Variants in GTF3C1 observed in about 807,000 individuals in gnomAD.
GTF3C1 encodes the protein general transcription factor IIIC subunit 1.
Under a neutral mutation model 226.7 loss-of-function variants are expected in GTF3C1, and 57 were observed. The ratio of observed to expected loss-of-function variants is 0.25; its 90% CI spans 0.20 to 0.31. The LOEUF (loss-of-function observed/expected upper bound fraction) is 0.31, where lower values mean the gene tolerates loss of function less well. Among genes scored for constraint, GTF3C1 ranks in the 10% least tolerant of loss-of-function variants. GTF3C1 has a pLI of 1.00. For missense variants in GTF3C1, 2,217 were observed against 2,776.1 expected (o/e 0.80, Z 4.53); for synonymous variants, 1,090 against 1,084.8 (o/e 1.00, Z -0.09).
intron 7 of GTF3C1, among the ~76,000 whole-genome samples, chr16:27,511,109 T>C (rs2088565247): frequency 6.6e-6 from 1 of 152,194 alleles, no homozygotes. Context: ...TCTGGGTGTG[T>C]CTGTGATGGT....
intron 27 of GTF3C1, 129 bp downstream of exon 27, chr16:27,480,950 G>A (rs747034669): frequency 1.6e-5 from 11 of 693,794 alleles, no homozygotes; most frequent in Non-Finnish European, 2.8e-5. Flanking sequence ...AGACAGGAGG[G>A]CCACTGCAAG....
intron 1 of GTF3C1, among the ~76,000 whole-genome samples, chr16:27,548,534 G>A (rs1035437303): frequency 3.3e-5 from 5 of 152,132 alleles, no homozygotes; most frequent in Non-Finnish European, 4.4e-5. Flanking sequence ...CAAAGTACTG[G>A]GATTGCAGGC....
At chr16:27,494,411 A>C (rs2088281352) in intron 16 of GTF3C1, among the ~76,000 whole-genome samples, 1 of 147,710 alleles carries the variant, frequency 6.8e-6, no homozygotes, top group Admixed American at 6.6e-5. Context: ...ATAAAAAAAA[A>C]ACAAAAAAAA....
chr16:27,495,386 G>C lies in GTF3C1; in HGVS notation c.2457C>G (p.Thr819=). The change falls in exon 15 of 37, where the codon ACC becomes ACG. Residue 819 remains threonine (T), a synonymous_variant. Transcript: ENST00000356183. ...CACTGATGAAGCTTGGCTTCTCCAC[G>C]GTGTTGCTGGCAGGGTGCCCGTAGA... ...YLIYGHPASN[T]VEKPSFISER... 6.2e-7 allele frequency: 1 copy of C among 1,614,090 alleles called. No homozygotes were observed. The highest frequency in any genetic ancestry group is 8.5e-7 in the Non-Finnish European group (1 of 1,179,930).
chr16:27,535,805 G>A (rs2088992021), intron 4 of GTF3C1, among the ~76,000 whole-genome samples: 2 of 151,692 alleles, frequency 1.3e-5, no homozygotes, highest in Admixed American at 1.3e-4. Flanking sequence ...CGGAGATCGC[G>A]CCATCGCACT....
intron 2 of GTF3C1, 108 bp downstream of exon 2, chr16:27,545,206 G>A: frequency 3.8e-6 from 3 of 795,676 alleles, no homozygotes; most frequent in Non-Finnish European, 6.6e-6. Flanking sequence ...TGAACTCCTG[G>A]CCTCAAGTGA....
chr16:27,504,786 A>G (rs1056116025), intron 10 of GTF3C1, among the ~76,000 whole-genome samples: 1 of 152,160 alleles, frequency 6.6e-6, no homozygotes, highest in Non-Finnish European at 1.5e-5. Flanking sequence ...GCAGTGGCAT[A>G]TGCTTGCAGA....
chr16:27,545,163 A>G, intron 2 of GTF3C1, 151 bp downstream of exon 2: 1 of 647,918 alleles, frequency 1.5e-6, no homozygotes. Context: ...TTTTAGTAGA[A>G]ACAGCGTTTT....
intron 32 of GTF3C1, among the ~76,000 whole-genome samples, chr16:27,468,297 T>C (rs577763749): frequency 1.4e-4 from 21 of 152,324 alleles, no homozygotes; most frequent in South Asian, 6.2e-4. Flanking sequence ...GAGAACATCA[T>C]TGAAATGGCA....
chr16:27,487,505 C>G (rs954891316), intron 23 of GTF3C1, among the ~76,000 whole-genome samples: 1 of 152,238 alleles, frequency 6.6e-6, no homozygotes, highest in Non-Finnish European at 1.5e-5. Flanking sequence ...TCAGAAGGTG[C>G]TGCAGGCTTA....
At chr16:27,508,166 C>T (rs557865592) in intron 8 of GTF3C1, among the ~76,000 whole-genome samples, 5 of 152,334 alleles carry the variant, frequency 3.3e-5, no homozygotes, top group East Asian at 1.9e-4. Context: ...TGCAACACCA[C>T]GCCTGGCTAA....
In GTF3C1 at chr16:27,469,771, T is replaced by C. The variant is rs2087838897; in HGVS notation, c.4815-221A>G. 6.6e-6 allele frequency among the ~76,000 whole-genome samples: 1 copy of C among 152,166 alleles called. No homozygotes were observed. The highest frequency in any genetic ancestry group is 1.5e-5 in the Non-Finnish European group (1 of 68,026). On this transcript the variant is annotated intron_variant, in intron 31 of 36. Transcript: ENST00000356183. This position sits in a 1 kb window ranked among gnomAD's most constrained non-coding sequence, Gnocchi z 4.5. ...ACCCCTTGTCACATAGCTGTATCTCTGTGGGGACTGTTCCTTTTGCCCGTC... is the reference window on the plus strand; with the variant it reads ...ACCCCTTGTCACATAGCTGTATCTCCGTGGGGACTGTTCCTTTTGCCCGTC...
At position 27,492,251 on chromosome 16, in the gene GTF3C1, C is replaced by T; in HGVS notation, c.3151+87G>A. 1 of 806,290 alleles carries T rather than the reference C, an allele frequency of 1.2e-6. No individual in the cohort carries two copies. Among genetic ancestry groups the T allele is most frequent in the South Asian group, 1.6e-5 (1 of 61,056 alleles). The allele number at this position is 806,290 out of a possible 1,614,324, so 49.9% of individuals were successfully genotyped here. A position where few individuals can be genotyped will look rare whatever the true frequency, so the allele number is the denominator to read the frequency against. On this transcript the variant is annotated intron_variant, in intron 19 of 36. Transcript: ENST00000356183. The surrounding 1 kb of genome is among the most constrained non-coding windows in gnomAD (Gnocchi z 5.0). Reference sequence around the variant, plus strand: ...CGGAACATACCACTGGTTGAGGCAACTCCTAGGCTTTTCTAGCCCTAAATC... The same window carrying T: ...CGGAACATACCACTGGTTGAGGCAATTCCTAGGCTTTTCTAGCCCTAAATC...
At chr16:27,472,837 T>C (rs1229510851) in intron 29 of GTF3C1, among the ~76,000 whole-genome samples, 2 of 152,260 alleles carry the variant, frequency 1.3e-5, no homozygotes, top group African/African-American at 4.8e-5. Flanking sequence ...TATATTATCC[T>C]GTTTTATTTT....
Position 27,538,290 on chromosome 16 carries a change from C to T in GTF3C1, c.498G>A (p.Glu166=). 1 of 1,607,662 alleles carries T rather than the reference C, an allele frequency of 6.2e-7. No homozygotes were observed. The highest frequency in any genetic ancestry group is 8.5e-7 in the Non-Finnish European group (1 of 1,174,120). ...CGGGCAGCTTCAGGTCGGGATCCCCCTCCTGGCCTATCAAGGCCCTGTACC... is the reference window on the plus strand; with the variant it reads ...CGGGCAGCTTCAGGTCGGGATCCCCTTCCTGGCCTATCAAGGCCCTGTACC... The part of the protein sequence containing the change: ...AMRYRALIGQ[E]GDPDLKLPDF... Residue 166 remains glutamate, a synonymous_variant, in exon 3 of 37, where the codon GAG becomes GAA. Transcript: ENST00000356183.
chr16:27,532,322 A>G (rs146500864), intron 5 of GTF3C1, among the ~76,000 whole-genome samples: 292 of 152,288 alleles, frequency 1.9e-3, no homozygotes, highest in African/African-American at 6.6e-3. Context: ...CCATCGATGC[A>G]ACGTGGGGAA....
intron 4 of GTF3C1, among the ~76,000 whole-genome samples, chr16:27,534,104 G>A (rs564108632): frequency 6.6e-6 from 1 of 152,296 alleles, no homozygotes; most frequent in East Asian, 1.9e-4. Context: ...CACAAACCTA[G>A]GTCTTCTTCC....
chr16:27,547,116 C>G (rs544714019), intron 1 of GTF3C1, among the ~76,000 whole-genome samples: 205 of 152,276 alleles, frequency 1.3e-3, no homozygotes, highest in Admixed American at 2.9e-3. Flanking sequence ...TGTCCTCTAC[C>G]TCTCCAGCCA....
chr16:27,506,337 T>C (rs2088484643), intron 9 of GTF3C1, among the ~76,000 whole-genome samples: 1 of 152,118 alleles, frequency 6.6e-6, no homozygotes, highest in South Asian at 2.1e-4. Context: ...TGGGTAATTC[T>C]CTGCTGTCAG....
Sources: gnomAD v4.1 joint callset for allele counts (sites outside exome capture counted in the v4.1 genomes callset) on GRCh38, gnomAD v4.1.1 for gene constraint, Gnocchi (gnomAD v3.1) non-coding constraint, MANE v1.5 for transcripts, NCBI Gene and HGNC (gene_info 2026-07-23, HGNC 2026-07-21) for gene names.